Variants in UACA observed in about 807,000 individuals in gnomAD.
UACA encodes the protein nuclear membrane binding protein.
In UACA, 112 loss-of-function variants were observed where a neutral mutation model predicts 160.5. The ratio of observed to expected loss-of-function variants is 0.70; its 90% confidence interval spans 0.60 to 0.82. The LOEUF (loss-of-function observed/expected upper bound fraction) is 0.82, where lower values mean the gene tolerates loss of function less well. Ranked by LOEUF, UACA falls within the 40% of genes least tolerant of loss-of-function variation. The pLI is 0.00. For synonymous variants in UACA, 557 were observed against 568.4 expected (o/e 0.98, Z 0.29); for missense variants, 1,574 against 1,614.6 (o/e 0.97, Z 0.43).
the UACA span, among the ~76,000 whole-genome samples, chr15:70,772,515 A>G: frequency 2.7e-5 from 4 of 149,538 alleles, no homozygotes; most frequent in African/African-American, 1.0e-4. Flanking sequence ...AAAAAAAAAA[A>G]AAGAATCTAG....
At chr15:70,681,449 AGT>A (rs1278649385) in intron 9 of UACA, 1 of 152,218 alleles carries the variant, frequency 6.6e-6, no homozygotes, top group Non-Finnish European at 1.5e-5. Context: ...AATTAGGAGC[AGT>A]GTGTCTTTCT....
intron 1 of UACA, among the ~76,000 whole-genome samples, chr15:70,721,721 T>C (rs1165402837): frequency 4.6e-5 from 7 of 152,142 alleles, no homozygotes; most frequent in African/African-American, 1.4e-4. Flanking sequence ...CAGGCTTTTA[T>C]TACCATCTTC....
Position 70,689,514 on chromosome 15 carries a change from G to A in UACA, c.424+940C>T, listed in dbSNP as rs138311922. Among the ~76,000 whole-genome samples, 17 of 152,126 alleles carry A rather than the reference G, an allele frequency of 1.1e-4. No individual in the cohort carries two copies. In the East Asian group the frequency reaches 3.3e-3, roughly 29 times the overall value. ...ATATTAAAAAAAAGAAATGCATTGT[G>A]TGAGAAATTATCATACAAATAAAAT... On this transcript the variant is annotated intron_variant, in intron 5 of 18. Coordinates refer to ENST00000322954, the MANE Select transcript of UACA (RefSeq NM_018003.4).
intron 1 of UACA, among the ~76,000 whole-genome samples, chr15:70,709,464 T>C (rs1898615229): frequency 6.6e-6 from 1 of 152,218 alleles, no homozygotes; most frequent in Non-Finnish European, 1.5e-5. Context: ...CATATTAATA[T>C]CAATTAGAAA....
At chr15:70,671,931 G>A in intron 14 of UACA, 34 bp downstream of exon 14, 1 of 1,549,758 alleles carries the variant, frequency 6.5e-7, no homozygotes, top group Non-Finnish European at 8.8e-7. Flanking sequence ...TGAACTAGGT[G>A]AACTGTAATG....
chr15:70,747,432 T>C (rs1429345718), intron 1 of UACA, among the ~76,000 whole-genome samples: 1 of 151,976 alleles, frequency 6.6e-6, no homozygotes, highest in Non-Finnish European at 1.5e-5. Flanking sequence ...TACACTGTCA[T>C]CATCATGGCT....
chr15:70,757,379 T>A (rs572522894), intron 1 of UACA, among the ~76,000 whole-genome samples: 126 of 152,346 alleles, frequency 8.3e-4, no homozygotes, highest in African/African-American at 2.9e-3. Context: ...GAGACATTAG[T>A]AGCCTCTGAC....
intron 13 of UACA, among the ~76,000 whole-genome samples, chr15:70,673,617 T>C (rs1256528591): frequency 1.3e-5 from 2 of 152,228 alleles, no homozygotes; most frequent in Admixed American, 1.3e-4. Context: ...CTTAATTTGG[T>C]CTTATTATCT....
intron 1 of UACA, among the ~76,000 whole-genome samples, chr15:70,700,561 T>C (rs1373514207): frequency 6.6e-6 from 1 of 151,912 alleles, no homozygotes; most frequent in African/African-American, 2.4e-5. Context: ...TATGTGTATT[T>C]AGATTAAAGG....
chr15:70,670,946 C>T (rs548260810), intron 15 of UACA, 93 bp downstream of exon 15: 2 of 680,474 alleles, frequency 2.9e-6, no homozygotes, highest in Admixed American at 3.3e-5. Flanking sequence ...TGTATATATA[C>T]TTAATGTACA....
intron 1 of UACA, among the ~76,000 whole-genome samples, chr15:70,717,451 G>T (rs943650697): frequency 4.6e-5 from 7 of 152,148 alleles, no homozygotes; most frequent in Non-Finnish European, 1.0e-4. Context: ...ATTCAACTCT[G>T]CCACTGTAAA....
chr15:70,740,050 CTTT>C (rs1043712072), intron 1 of UACA, among the ~76,000 whole-genome samples: 1 of 152,070 alleles, frequency 6.6e-6, no homozygotes, highest in Non-Finnish European at 1.5e-5. Context: ...CCTTAGAGAA[CTTT>C]TTTAAGTCAA....
At chr15:70,773,246 T>A in the UACA span, among the ~76,000 whole-genome samples, 1 of 152,078 alleles carries the variant, frequency 6.6e-6, no homozygotes, top group African/African-American at 2.4e-5. Flanking sequence ...GAGCGACCAC[T>A]GGGTTTGGCA....
intron 1 of UACA, among the ~76,000 whole-genome samples, chr15:70,721,036 T>A (rs1481934462): frequency 6.6e-6 from 1 of 152,210 alleles, no homozygotes; most frequent in African/African-American, 2.4e-5. Flanking sequence ...ACATGTGCCA[T>A]AATGCTGACA....
rs1336804979 is a variant in UACA at position 70,694,968 on chromosome 15, T to C, written c.301+49A>G. The C allele has an allele frequency of 5.7e-6, 8 of 1,406,900 alleles. No individual in the cohort carries two copies. In the Admixed American group the frequency reaches 1.3e-4, roughly 22 times the overall value. The allele number at this position is 1,406,900 out of a possible 1,614,324, so 87.2% of individuals were successfully genotyped here. ...GAATAAAAATGTTAGCAGTGGACAA[T>C]GTTTGTTTTCACTTTATGTTTTATA... On this transcript the variant is annotated intron_variant, in intron 3 of 18. Coordinates refer to ENST00000322954, the MANE Select transcript of UACA (RefSeq NM_018003.4).
At chr15:70,701,234 A>G (rs189167048) in intron 1 of UACA, among the ~76,000 whole-genome samples, 19 of 152,296 alleles carry the variant, frequency 1.2e-4, no homozygotes, top group African/African-American at 2.2e-4. Context: ...ACTGCCAACT[A>G]TGAGTACAGA....
chr15:70,774,462 C>T, the UACA span, among the ~76,000 whole-genome samples: 9 of 150,266 alleles, frequency 6.0e-5, no homozygotes, highest in South Asian at 1.3e-3. Flanking sequence ...AGGAGAATGG[C>T]GTGAACCCAG....
At chr15:70,741,249 T>C (rs1257845022) in intron 1 of UACA, among the ~76,000 whole-genome samples, 3 of 152,188 alleles carry the variant, frequency 2.0e-5, no homozygotes, top group Non-Finnish European at 4.4e-5. Context: ...AGCAGGCTGA[T>C]TTCTGCACTC....
chr15:70,660,380 C>T (rs1305578925), intron 17 of UACA, 164 bp from the exon 18 acceptor site: 6 of 544,974 alleles, frequency 1.1e-5, no homozygotes, highest in East Asian at 3.1e-5. Context: ...AATTTCAAAA[C>T]GTAACAATAT....
Sources: gnomAD v4.1 joint callset for allele counts (sites outside exome capture counted in the v4.1 genomes callset) on GRCh38, gnomAD v4.1.1 for gene constraint, MANE v1.5 for transcripts, NCBI Gene and HGNC (gene_info 2026-07-23, HGNC 2026-07-21) for gene names.